The following SYNJ2 variants were observed in gnomAD, a reference collection of about 807,000 sequenced individuals.
SYNJ2 encodes the protein polyphosphatidylinositol phosphatase SYNJ2.
In SYNJ2, 116 loss-of-function variants were observed where a neutral mutation model predicts 141.3. The ratio of observed to expected loss-of-function variants is 0.82; its 90% CI spans 0.71 to 0.96. SYNJ2 has a LOEUF of 0.96. SYNJ2 is among the 40% of genes least tolerant of loss of function. SYNJ2 has a pLI of 0.00. For synonymous variants in SYNJ2, 745 were observed against 777.7 expected (o/e 0.96, Z 0.70); for missense variants, 1,873 against 1,934.8 (o/e 0.97, Z 0.60).
rs115325419 is a variant in SYNJ2, at chr6:158,034,814, G to A, written c.711+1134G>A. Among the ~76,000 whole-genome samples the A allele has an allele frequency of 1.1e-3, 172 of 152,260 alleles. 1 individual carries two copies. The highest frequency in any genetic ancestry group is 3.8e-3 in the African/African-American group (157 of 41,534). On this transcript the variant is annotated intron_variant, in intron 4 of 26. Transcript: ENST00000355585. ...TCTTCCAGGGTTTTTATAGTTTTGC[G>A]TTTTACATTCAAGTCTTTAACCCAT... is the stretch of plus-strand genomic sequence containing the variant.
At chr6:158,060,025 C>T (rs181752881) in intron 7 of SYNJ2, among the ~76,000 whole-genome samples, 1 of 152,312 alleles carries the variant, frequency 6.6e-6, no homozygotes, top group East Asian at 1.9e-4. Flanking sequence ...AGGCAGGCCT[C>T]CCTTTCTGCC....
At chr6:158,083,904 G>A (rs113329402) in intron 21 of SYNJ2, 97 bp from the exon 22 acceptor site, 66 of 1,397,144 alleles carry the variant, frequency 4.7e-5, no homozygotes, top group Admixed American at 8.4e-5. Flanking sequence ...CAGGGTGCAC[G>A]TGTCCTGACA....
At chr6:158,010,967 G>T (rs1275053216) in intron 1 of SYNJ2, among the ~76,000 whole-genome samples, 1 of 149,126 alleles carries the variant, frequency 6.7e-6, no homozygotes, top group Non-Finnish European at 1.5e-5. Context: ...GACATGTGGG[G>T]AGGGGATGGC....
Position 158,097,503 on chromosome 6 carries a change from G to A in SYNJ2, c.*1139G>A, listed in dbSNP as rs1248306797. 6.6e-6 allele frequency: 1 copy of A among 152,232 alleles called. No homozygotes were observed. Among genetic ancestry groups the A allele is most frequent in the Non-Finnish European group, 1.5e-5 (1 of 68,048 alleles). The allele number at this position is 152,232 out of a possible 1,614,324, so 9.4% of individuals were successfully genotyped here. A position where few individuals can be genotyped will look rare whatever the true frequency, so the allele number is the denominator to read the frequency against. On this transcript the variant is annotated 3_prime_UTR_variant, in exon 27 of 27. Transcript: ENST00000355585. ...CAAGGTCTGGAATCCATTTGGAGCA[G>A]ATACCGTGTTTTCGCTATTTAATAA...
chr6:158,044,789 G>A (rs1035598942), intron 5 of SYNJ2, among the ~76,000 whole-genome samples: 3 of 152,038 alleles, frequency 2.0e-5, no homozygotes, highest in Non-Finnish European at 2.9e-5. Context: ...ATGCCAACTC[G>A]ACTGTTCATC....
At chr6:158,074,812 G>A in intron 16 of SYNJ2, 74 bp downstream of exon 16, 1 of 1,549,554 alleles carries the variant, frequency 6.5e-7, no homozygotes, top group Non-Finnish European at 8.7e-7. Flanking sequence ...GTAGAGGCTG[G>A]TGCAGCAAAT....
intron 12 of SYNJ2, chr6:158,067,901 C>G (rs1781662047): frequency 1.0e-6 from 1 of 985,174 alleles, no homozygotes; most frequent in Admixed American, 6.2e-5. Flanking sequence ...CTTAGCACAG[C>G]CGTGGCTCAA....
At chr6:158,080,962 C>T (rs1303830879) in intron 18 of SYNJ2, 147 bp from the exon 19 acceptor site, 23 of 731,450 alleles carry the variant, frequency 3.1e-5, no homozygotes, top group Admixed American at 6.4e-5. Context: ...TTGGTGTTGA[C>T]TGTTTACAAA....
chr6:158,030,207 A>T (rs1475155114), intron 3 of SYNJ2, among the ~76,000 whole-genome samples: 1 of 152,232 alleles, frequency 6.6e-6, no homozygotes, highest in Admixed American at 6.5e-5. Context: ...TTTCTGTCAG[A>T]TTCGCACTGA....
At chr6:157,984,163 T>A (rs748313036) in intron 1 of SYNJ2, among the ~76,000 whole-genome samples, 67 of 152,264 alleles carry the variant, frequency 4.4e-4, no homozygotes, top group Admixed American at 9.8e-4. Flanking sequence ...TTTTAAAGTC[T>A]GTTTTGTTTA....
chr6:158,019,642 A>T (rs1469133842), intron 2 of SYNJ2, among the ~76,000 whole-genome samples: 1 of 152,128 alleles, frequency 6.6e-6, no homozygotes, highest in Admixed American at 6.5e-5. Context: ...CACAGAAGGG[A>T]ATGAGGCTTC....
chr6:158,033,673 C>T lies in SYNJ2; in HGVS notation c.704C>T (p.Thr235Ile), dbSNP rs758215046. 3.7e-6 allele frequency: 6 copies of T among 1,608,572 alleles called. No individual in the cohort carries two copies. The highest frequency in any genetic ancestry group is 5.1e-6 in the Non-Finnish European group (6 of 1,178,876). Residue 235 changes from threonine (T) to isoleucine (I), a missense_variant, in exon 4 of 27, where the codon ACA becomes ATA. By Grantham distance (89) the Thr-to-Ile change is moderately conservative (BLOSUM62 -1). Transcript: ENST00000355585. The stretch of plus-strand genomic sequence containing the variant: ...GGCCATGTGTCCAACTTCGTGGAGA[C>T]AGAGCAGGTGAGTGCCCAGGCCCAT... ...DDGHVSNFVE[T>I]EQMIYMDDGV...
At chr6:158,030,289 C>G (rs1185783865) in intron 3 of SYNJ2, 1 of 152,686 alleles carries the variant, frequency 6.5e-6, no homozygotes, top group Admixed American at 6.5e-5. Flanking sequence ...TGAACCTCAT[C>G]TAATGTAATG....
In SYNJ2 at chr6:158,083,222, C is replaced by T. The variant is rs1048548987; in HGVS notation, c.2866-207C>T. Among the ~76,000 whole-genome samples, 22 of 152,046 alleles carry T rather than the reference C, an allele frequency of 1.4e-4. 1 individual carries two copies. The highest frequency in any genetic ancestry group is 8.5e-4 in the Admixed American group (13 of 15,254). ...TGCTGGGATTACAGGTGTGAGCCAC[C>T]GCACCCAGCCCAGTTCAACTTTTTT... On this transcript the variant is annotated intron_variant, in intron 20 of 26. Coordinates refer to ENST00000355585, the MANE Select transcript of SYNJ2 (RefSeq NM_003898.4).
intron 20 of SYNJ2, 81 bp from the exon 21 acceptor site, chr6:158,083,348 G>T: frequency 6.5e-7 from 1 of 1,528,400 alleles, no homozygotes. Flanking sequence ...GGGTGTGTGG[G>T]TTTTGGTGAG....
intron 16 of SYNJ2, 144 bp from the exon 17 acceptor site, chr6:158,076,482 T>A: frequency 1.1e-6 from 1 of 936,030 alleles, no homozygotes. Context: ...GACACATATG[T>A]CCAGTTTCAG....
chr6:158,068,514 C>CT, intron 12 of SYNJ2, 133 bp from the exon 13 acceptor site: 1 of 933,326 alleles, frequency 1.1e-6, no homozygotes, highest in African/African-American at 1.6e-5. Flanking sequence ...TTCCCAGCAG[C>CT]AATGGTAGCC....
rs543158659 is a variant in SYNJ2 at position 158,071,945 on chromosome 6, C to A, written c.2133+151C>A. ...TGGGGGAGGGGGAGAGGGCTATGTC[C>A]CTCCATGGAATTGACCTGGGGCAGG... is the stretch of plus-strand genomic sequence containing the variant. On this transcript the variant is annotated intron_variant, in intron 15 of 26. Transcript: ENST00000355585. This position sits in a 1 kb window ranked among gnomAD's most constrained non-coding sequence, Gnocchi z 4.3. The A allele has an allele frequency of 4.1e-4, 390 of 960,586 alleles. 8 individuals are homozygous for A. In the South Asian group the frequency reaches 6.7e-3, roughly 16 times the overall value. 59.5% of individuals were successfully genotyped at this position (960,586 alleles called of 1,614,324 possible).
intron 1 of SYNJ2, among the ~76,000 whole-genome samples, chr6:158,012,716 C>A (rs185796210): frequency 7.4e-4 from 113 of 152,314 alleles, no homozygotes; most frequent in Non-Finnish European, 2.5e-4. Context: ...TATTTTGCCA[C>A]CATTCTGAGC....
Sources: allele counts gnomAD v4.1 joint callset (sites outside exome capture counted in the v4.1 genomes callset), GRCh38; gene constraint gnomAD v4.1.1; non-coding constraint Gnocchi (gnomAD v3.1); transcripts MANE v1.5; gene names NCBI Gene and HGNC (gene_info 2026-07-23, HGNC 2026-07-21).